The following GPI variants were observed in gnomAD, a reference collection of about 807,000 sequenced individuals.
The protein encoded by GPI is glucose-6-phosphate isomerase.
In GPI, 56 loss-of-function variants were observed where a neutral mutation model predicts 75.8. That is an observed-to-expected ratio of 0.74 (90% CI 0.60 to 0.92). GPI has a LOEUF of 0.92. Ranked by LOEUF, GPI falls within the 40% of genes least tolerant of loss-of-function variation. GPI has a pLI of 0.00. For synonymous variants in GPI, 288 were observed against 285.4 expected, an observed-to-expected ratio of 1.01 and a Z score of -0.09; for missense variants, 638 against 741.0, an observed-to-expected ratio of 0.86 and a Z score of 1.61.
At chr19:34,366,510 G>T in intron 2 of GPI, 75 bp downstream of exon 2, 1 of 987,800 alleles carries the variant, frequency 1.0e-6, no homozygotes, top group South Asian at 1.3e-5. Context: ...GGAGTCCCCA[G>T]GACCTTGAGT....
chr19:34,387,724 G>T (rs2074758930), intron 9 of GPI, among the ~76,000 whole-genome samples: 1 of 152,210 alleles, frequency 6.6e-6, no homozygotes, highest in African/African-American at 2.4e-5. Flanking sequence ...GTGAGTCTGT[G>T]GATCCAGGCT....
intron 3 of GPI, 137 bp from the exon 4 acceptor site, chr19:34,368,446 G>A: frequency 2.3e-6 from 2 of 882,228 alleles, no homozygotes; most frequent in Non-Finnish European, 3.6e-6. Flanking sequence ...CTTGGAACAA[G>A]GTTATGGTGC....
chr19:34,369,017 A>G (rs997026461), intron 4 of GPI, among the ~76,000 whole-genome samples: 4 of 151,850 alleles, frequency 2.6e-5, no homozygotes, highest in African/African-American at 9.7e-5. Flanking sequence ...CCTGAGAGAC[A>G]GGACAGTCAG....
Position 34,393,471 on chromosome 19 carries a change from GT to G in GPI, c.865+170del, listed in dbSNP as rs909403655. 14 of 761,914 alleles carry G rather than the reference GT, an allele frequency of 1.8e-5. No individual in the cohort carries two copies. The highest frequency in any genetic ancestry group is 2.7e-5 in the East Asian group (1 of 37,686). 47.2% of individuals were successfully genotyped at this position (761,914 alleles called of 1,614,324 possible). A position where few individuals can be genotyped will look rare whatever the true frequency, so the allele number is the denominator to read the frequency against. On this transcript the variant is annotated intron_variant, in intron 10 of 17. Coordinates refer to ENST00000356487, the MANE Select transcript of GPI (RefSeq NM_000175.5). The surrounding 1 kb of genome is among the most constrained non-coding windows in gnomAD (Gnocchi z 4.4). Reference sequence around the variant, plus strand: ...TTTCATGTCCAGAAGGAAGGTCTGGGTTTTTTTGCGTGTGCAAGTTGGCCCC... The same window carrying G: ...TTTCATGTCCAGAAGGAAGGTCTGGGTTTTTTGCGTGTGCAAGTTGGCCCC...
intron 9 of GPI, chr19:34,392,102 G>GGT (rs2074854272): frequency 0.033 from 17 of 508 alleles, no homozygotes; most frequent in South Asian, 0.14. Flanking sequence ...GGTAGGATCT[G>GGT]GCACTGGTAA....
intron 1 of GPI, chr19:34,365,762 C>G: frequency 2.1e-6 from 1 of 483,868 alleles, no homozygotes; most frequent in South Asian, 1.5e-5. Flanking sequence ...CCCTTTCCAT[C>G]CGCTCCTGGC....
chr19:34,374,966 G>A (rs2145349734), intron 4 of GPI, among the ~76,000 whole-genome samples: 1 of 151,868 alleles, frequency 6.6e-6, no homozygotes, highest in African/African-American at 2.4e-5. Flanking sequence ...GGCCTCAAGT[G>A]ATCCTCCTGC....
chr19:34,398,274 C>T lies in GPI; in HGVS notation c.1270-933C>T, dbSNP rs150044033. The T allele has an allele frequency of 6.0e-4, 92 of 152,210 alleles. 1 individual carries two copies. The highest frequency in any genetic ancestry group is 3.4e-3 in the Middle Eastern group (1 of 294). The allele number at this position is 152,210 out of a possible 1,614,324, so 9.4% of individuals were successfully genotyped here. A position where few individuals can be genotyped will look rare whatever the true frequency, so the allele number is the denominator to read the frequency against. On this transcript the variant is annotated intron_variant, in intron 14 of 17. Transcript: ENST00000356487. ...CTCAGTATGTTGCCCAAGCTGCCCT[C>T]GAACTCCTTCAGAGAATTTACTGTG...
At chr19:34,371,970 G>A (rs1329937192) in intron 4 of GPI, among the ~76,000 whole-genome samples, 1 of 148,938 alleles carries the variant, frequency 6.7e-6, no homozygotes, top group East Asian at 2.0e-4. Context: ...TTACTCTGTT[G>A]CCCAGGCTGG....
In GPI at chr19:34,378,958, A is replaced by T; in HGVS notation, c.658A>T (p.Thr220Ser). ...GACCTTTACTACCCAGGAGACCATC[A>T]CGAATGCAGAGACGGCGAAGGAGTG... ...SKTFTTQETI[T>S]NAETAKEWFL... Residue 220 changes from threonine to serine, a missense_variant, in exon 7 of 18, where the codon ACG (threonine) becomes TCG (serine). By Grantham distance (58) the Thr-to-Ser change is moderately conservative. Coordinates refer to ENST00000356487, the MANE Select transcript of GPI (RefSeq NM_000175.5). The T allele has an allele frequency of 6.2e-7, 1 of 1,614,150 alleles. No individual in the cohort carries two copies. The highest frequency in any genetic ancestry group is 8.5e-7 in the Non-Finnish European group (1 of 1,180,006).
intron 4 of GPI, among the ~76,000 whole-genome samples, chr19:34,376,697 C>G (rs2145355583): frequency 6.6e-6 from 1 of 152,206 alleles, no homozygotes; most frequent in East Asian, 1.9e-4. Context: ...TGGACTCAAG[C>G]AATCCTCCTG....
At chr19:34,379,334 G>A (rs1437277319) in intron 7 of GPI, among the ~76,000 whole-genome samples, 184 bp from the exon 8 acceptor site, 2 of 152,188 alleles carry the variant, frequency 1.3e-5, no homozygotes, top group African/African-American at 4.8e-5. Flanking sequence ...GATGGGATGA[G>A]CAGGCGGCCT....
At chr19:34,396,558 G>A in intron 13 of GPI, 23 bp from the exon 14 acceptor site, 1 of 1,612,904 alleles carries the variant, frequency 6.2e-7, no homozygotes, top group Non-Finnish European at 8.5e-7. Flanking sequence ...GGGTCATGTG[G>A]GTGACCACAG....
At chr19:34,384,025 T>G (rs1234976802) in intron 9 of GPI, among the ~76,000 whole-genome samples, 1 of 152,100 alleles carries the variant, frequency 6.6e-6, no homozygotes, top group African/African-American at 2.4e-5. Flanking sequence ...AGGGGAGGCC[T>G]GAGGAGCCAA....
At chr19:34,385,518 G>T (rs78770765) in intron 9 of GPI, among the ~76,000 whole-genome samples, 6,194 of 152,198 alleles carry the variant, frequency 0.041, 186 homozygotes, top group Admixed American at 0.11. Flanking sequence ...GGGTCTATCA[G>T]GTCTGAAGAA....
chr19:34,367,087 T>C (rs1349433401), intron 3 of GPI: 1 of 672,814 alleles, frequency 1.5e-6, no homozygotes, highest in South Asian at 1.5e-5. Flanking sequence ...GAGGAGCATA[T>C]CTCATACCCA....
At position 34,400,124 on chromosome 19, in the gene GPI, C is replaced by T; in HGVS notation, c.*88C>T. On this transcript the variant is annotated 3_prime_UTR_variant, in exon 18 of 18. Coordinates refer to ENST00000356487, the MANE Select transcript of GPI (RefSeq NM_000175.5). ...AGCCGGCACTGCATGTTCCTGGACA[C>T]CACCCAGAGCACCCTCTGGTTGTGG... 1 of 1,381,782 alleles carries T rather than the reference C, an allele frequency of 7.2e-7. No homozygotes were observed. Among genetic ancestry groups the T allele is most frequent in the Non-Finnish European group, 1.0e-6 (1 of 983,160 alleles). The allele number at this position is 1,381,782 out of a possible 1,614,324, so 85.6% of individuals were successfully genotyped here. A position where few individuals can be genotyped will look rare whatever the true frequency, so the allele number is the denominator to read the frequency against.
rs2074607788 is a variant in GPI at position 34,379,506 on chromosome 19, T to C, written c.706-12T>C. ...TGGGCTGGCTGTGGTAACTTGGCTCTGTCTCTTGTAGCCTTCTGCAGTGGC... is the reference window on the plus strand; with the variant it reads ...TGGGCTGGCTGTGGTAACTTGGCTCCGTCTCTTGTAGCCTTCTGCAGTGGC... On this transcript the variant is annotated splice_polypyrimidine_tract_variant and intron_variant, in intron 7 of 17. Transcript: ENST00000356487. 1 of 1,613,728 alleles carries C rather than the reference T, an allele frequency of 6.2e-7. No individual in the cohort carries two copies. The highest frequency in any genetic ancestry group is 1.3e-5 in the African/African-American group (1 of 74,946).
intron 8 of GPI, 140 bp from the exon 9 acceptor site, chr19:34,381,326 C>A (rs570667869): frequency 1.3e-6 from 1 of 747,480 alleles, no homozygotes; most frequent in African/African-American, 1.7e-5. Flanking sequence ...ACAGGCTGCT[C>A]CAGCCCTGCC....
Sources: allele counts gnomAD v4.1 joint callset (sites outside exome capture counted in the v4.1 genomes callset), GRCh38; gene constraint gnomAD v4.1.1; non-coding constraint Gnocchi (gnomAD v3.1); transcripts MANE v1.5; gene names NCBI Gene and HGNC (gene_info 2026-07-23, HGNC 2026-07-21).